LRPPRC: variants seen among roughly 807,000 people sequenced by gnomAD.
The protein encoded by LRPPRC is leucine-rich PPR motif-containing protein, mitochondrial.
A neutral mutation model predicts 180.3 loss-of-function variants in LRPPRC; 120 were observed. That is an observed-to-expected ratio of 0.67 (90% confidence interval 0.57 to 0.77). The LOEUF is 0.77. Ranked by LOEUF, LRPPRC falls within the 30% of genes least tolerant of loss-of-function variation. The pLI, the probability that LRPPRC is intolerant of heterozygous loss-of-function variation, is 0.00. For synonymous variants in LRPPRC, 723 were observed against 600.0 expected (o/e 1.21, Z -3.00); for missense variants, 2,012 against 1,657.2 (o/e 1.21, Z -3.72).
rs147561169 is a variant in LRPPRC, at chr2:43,987,188, T to C, written c.150-4754A>G. On this transcript the variant is annotated intron_variant, in intron 1 of 37. Transcript: ENST00000260665. Reference sequence around the variant, plus strand: ...ATGTATCCAAAATGCAAAAAGATAATGCCTTTTAAAAATGTTTGGTAATGA... The same window carrying C: ...ATGTATCCAAAATGCAAAAAGATAACGCCTTTTAAAAATGTTTGGTAATGA... Among the ~76,000 whole-genome samples, 907 of 152,210 alleles carry C rather than the reference T, an allele frequency of 6.0e-3. 10 individuals are homozygous for C. The highest frequency in any genetic ancestry group is 0.021 in the African/African-American group (858 of 41,530).
chr2:43,934,121 A>G, intron 25 of LRPPRC, 69 bp downstream of exon 25: 1 of 901,280 alleles, frequency 1.1e-6, no homozygotes, highest in Non-Finnish European at 1.8e-6. Context: ...AAAGGTTAAA[A>G]TTTTTAAATG....
chr2:43,934,971 A>G lies in LRPPRC; in HGVS notation c.2505-93T>C, dbSNP rs781170473. On this transcript the variant is annotated intron_variant, in intron 23 of 37. Transcript: ENST00000260665. Reference sequence around the variant, plus strand: ...TAGAGAGATGTTTAATGACCAGTTAATATGTAAACAACTGAGCTTTACTTA... The same window carrying G: ...TAGAGAGATGTTTAATGACCAGTTAGTATGTAAACAACTGAGCTTTACTTA... 337 of 985,140 alleles carry G rather than the reference A, an allele frequency of 3.4e-4. 1 individual carries two copies. The highest frequency in any genetic ancestry group is 5.0e-4 in the Non-Finnish European group (319 of 642,076). The allele number at this position is 985,140 out of a possible 1,614,324, so 61.0% of individuals were successfully genotyped here. A position where few individuals can be genotyped will look rare whatever the true frequency, so the allele number is the denominator to read the frequency against.
rs201078534 is a variant in LRPPRC, at chr2:43,899,303, C to T, written c.3741G>A (p.Gln1247=). The change falls in exon 34 of 38, where the codon CAG becomes CAA. Residue 1247 remains glutamine, a synonymous_variant. Coordinates refer to ENST00000260665, the MANE Select transcript of LRPPRC (RefSeq NM_133259.4). ...CAGTGACAGGTTTATAAATTGCAAA[C>T]TGATTGGCCAATCTCTCCGCCATGA... is the stretch of plus-strand genomic sequence containing the variant. ...ISIMAERLAN[Q]FAIYKPVTDF... 2 of 1,614,114 alleles carry T rather than the reference C, an allele frequency of 1.2e-6. No homozygotes were observed. Among genetic ancestry groups the T allele is most frequent in the African/African-American group, 2.7e-5 (2 of 75,030 alleles).
In LRPPRC at chr2:43,890,106, A is replaced by G. The variant is rs1208297617; in HGVS notation, c.3986-230T>C. 8 of 572,128 alleles carry G rather than the reference A, an allele frequency of 1.4e-5. No individual in the cohort carries two copies. The Admixed American group carries it at 2.5e-4, about 18-fold the overall frequency. The allele number at this position is 572,128 out of a possible 1,614,324, so 35.4% of individuals were successfully genotyped here. A position where few individuals can be genotyped will look rare whatever the true frequency, so the allele number is the denominator to read the frequency against. ...AGAAGAAAATGACAAATATGGCTAC[A>G]TTTAAAGGACTTTAGAATAATATTG... On this transcript the variant is annotated intron_variant, in intron 36 of 37. Transcript: ENST00000260665.
rs1205937953 is a variant in LRPPRC, at chr2:43,968,242, G to A, written c.1370-4536C>T. ...ACACACTAGAAATGGAAATATGCCA[G>A]GAACTGTGCTTCCAGACGCTTTTAC... On this transcript the variant is annotated intron_variant, in intron 11 of 37. Coordinates refer to ENST00000260665, the MANE Select transcript of LRPPRC (RefSeq NM_133259.4). Among the ~76,000 whole-genome samples the A allele has an allele frequency of 3.3e-5, 5 of 152,296 alleles. 1 individual carries two copies. Among genetic ancestry groups the A allele is most frequent in the Admixed American group, 2.6e-4 (4 of 15,300 alleles).
chr2:43,913,644 G>C (rs747377528), intron 29 of LRPPRC, among the ~76,000 whole-genome samples: 1 of 152,104 alleles, frequency 6.6e-6, no homozygotes, highest in Non-Finnish European at 1.5e-5. Flanking sequence ...ATTTATATTT[G>C]CATCTTAAGG....
chr2:43,900,805 A>C (rs1670854095), intron 32 of LRPPRC, among the ~76,000 whole-genome samples: 1 of 152,160 alleles, frequency 6.6e-6, no homozygotes, highest in Non-Finnish European at 1.5e-5. Context: ...ATTTATTTCT[A>C]CAGGGGTAAT....
Position 43,953,329 on chromosome 2 carries a change from G to A in LRPPRC, c.1650-2729C>T, listed in dbSNP as rs189244093. On this transcript the variant is annotated intron_variant, in intron 14 of 37. Coordinates refer to ENST00000260665, the MANE Select transcript of LRPPRC (RefSeq NM_133259.4). ...AAAATGCCAAGTTACCACAACCTAC[G>A]ATTTTTCTTTATCTACAATAAGAAA... 1.7e-3 allele frequency among the ~76,000 whole-genome samples: 261 copies of A among 152,248 alleles called. 4 individuals carry two copies. The highest frequency in any genetic ancestry group is 3.4e-3 in the Middle Eastern group (1 of 294).
intron 1 of LRPPRC, among the ~76,000 whole-genome samples, chr2:43,993,332 G>A (rs1028881363): frequency 4.6e-5 from 7 of 152,076 alleles, no homozygotes; most frequent in South Asian, 2.1e-4. Context: ...ACTGTCCCTC[G>A]AGGCACCTTA....
chr2:43,979,878 A>C lies in LRPPRC; in HGVS notation c.417T>G (p.Leu139=), dbSNP rs376705540. ...TATGAGCAAATTCTGTTCTCTCTTC[A>C]AGCTTTAGTTCAGGCAAGAGAGAAC... ...SCGSLLPELK[L]EERTEFAHRI... The change falls in exon 3 of 38, where the codon CTT becomes CTG. Residue 139 remains leucine, a synonymous_variant. Transcript: ENST00000260665. The C allele has an allele frequency of 6.2e-7, 1 of 1,613,182 alleles. No individual in the cohort carries two copies. The highest frequency in any genetic ancestry group is 8.5e-7 in the Non-Finnish European group (1 of 1,179,200).
chr2:43,911,536 T>A (rs892562031), intron 30 of LRPPRC, among the ~76,000 whole-genome samples: 3 of 145,152 alleles, frequency 2.1e-5, no homozygotes, highest in Non-Finnish European at 4.5e-5. Flanking sequence ...TTTTTTTTTT[T>A]TTTTTTTTGA....
chr2:43,938,547 G>C (rs922110998), intron 23 of LRPPRC, among the ~76,000 whole-genome samples: 7 of 152,118 alleles, frequency 4.6e-5, no homozygotes, highest in African/African-American at 1.7e-4. Context: ...TGACTACAAA[G>C]AGCTACTACA....
intron 1 of LRPPRC, among the ~76,000 whole-genome samples, chr2:43,991,289 C>T (rs1372454089): frequency 1.3e-5 from 2 of 152,084 alleles, no homozygotes; most frequent in Non-Finnish European, 2.9e-5. Context: ...GCCTCGGCCT[C>T]CCAAAGTGCT....
At chr2:43,912,925 T>TA (rs1442768330) in intron 29 of LRPPRC, among the ~76,000 whole-genome samples, 6 of 152,170 alleles carry the variant, frequency 3.9e-5, no homozygotes, top group South Asian at 2.1e-4. Context: ...AAATGTGTGT[T>TA]AAAGTCCAAA....
Position 43,890,973 on chromosome 2 carries a change from T to C in LRPPRC, c.3986-1097A>G, listed in dbSNP as rs555292898. ...CCCCTGCCCTACACTGACTCTGATA[T>C]TGTCAACCGCAACTCCGGCAGCACC... is the stretch of plus-strand genomic sequence containing the variant. On this transcript the variant is annotated intron_variant, in intron 36 of 37. Transcript: ENST00000260665. 5.5e-3 allele frequency among the ~76,000 whole-genome samples: 836 copies of C among 152,234 alleles called. 3 individuals carry two copies. Among genetic ancestry groups the C allele is most frequent in the Non-Finnish European group, 8.8e-3 (598 of 68,022 alleles).
chr2:43,925,042 C>T lies in LRPPRC; in HGVS notation c.2896+25G>A, dbSNP rs773910221. ...CTGCCTTCAACAGAATAAATGAAAGCGTGAAGAATAGTTAAATCACTTACT... is the reference window on the plus strand; with the variant it reads ...CTGCCTTCAACAGAATAAATGAAAGTGTGAAGAATAGTTAAATCACTTACT... On this transcript the variant is annotated intron_variant, in intron 27 of 37. Transcript: ENST00000260665. 3.9e-5 allele frequency: 49 copies of T among 1,258,696 alleles called. 2 individuals are homozygous for T. The South Asian group carries it at 5.0e-4, about 13-fold the overall frequency. The allele number at this position is 1,258,696 out of a possible 1,614,324, so 78.0% of individuals were successfully genotyped here. A position where few individuals can be genotyped will look rare whatever the true frequency, so the allele number is the denominator to read the frequency against.
At chr2:43,936,114 T>A (rs1391541575) in intron 23 of LRPPRC, among the ~76,000 whole-genome samples, 5 of 151,854 alleles carry the variant, frequency 3.3e-5, no homozygotes, top group Non-Finnish European at 7.4e-5. Flanking sequence ...TTGGAAGAAC[T>A]ATAGAGATTA....
Position 43,918,104 on chromosome 2 carries a change from C to A in LRPPRC, c.3069G>T (p.Leu1023=). Residue 1023 remains leucine (L), a synonymous_variant, in exon 29 of 38, where the codon CTG becomes CTT. Transcript: ENST00000260665. ...CTGTGGTTGAGGCTGACGAAGAATTCAGGGAATGTTTTTCATCTTCATACC... is the reference window on the plus strand; with the variant it reads ...CTGTGGTTGAGGCTGACGAAGAATTAAGGGAATGTTTTTCATCTTCATACC... ...ELWYEDEKHS[L]NSSSASTTEP... 1 of 1,613,416 alleles carries A rather than the reference C, an allele frequency of 6.2e-7. No individual in the cohort carries two copies. Among genetic ancestry groups the A allele is most frequent in the Non-Finnish European group, 8.5e-7 (1 of 1,179,776 alleles).
intron 4 of LRPPRC, 38 bp from the exon 5 acceptor site, chr2:43,977,090 T>G: frequency 6.2e-7 from 1 of 1,609,614 alleles, no homozygotes; most frequent in African/African-American, 1.3e-5. Flanking sequence ...TAAATATACT[T>G]TTTTTTCTGA....
Sources: gnomAD v4.1 joint callset for allele counts (sites outside exome capture counted in the v4.1 genomes callset) on GRCh38, gnomAD v4.1.1 for gene constraint, MANE v1.5 for transcripts, NCBI Gene and HGNC (gene_info 2026-07-23, HGNC 2026-07-21) for gene names.